DSN1: variants seen among roughly 807,000 people sequenced by gnomAD.
The protein encoded by DSN1 is DSN1 component of MIS12 kinetochore complex, also known as kinetochore-associated protein DSN1 homolog.
DSN1 carries 31 observed loss-of-function variants against 45.7 expected under a neutral mutation model. The observed-to-expected ratio is 0.68, with a 90% CI of 0.51 to 0.92. The LOEUF (loss-of-function observed/expected upper bound fraction) is 0.92, where lower values mean the gene tolerates loss of function less well. DSN1 is among the 40% of genes least tolerant of loss of function. The pLI is 0.00. For missense variants in DSN1, 394 were observed against 414.2 expected (o/e 0.95, Z 0.42); for synonymous variants, 134 against 142.3 (o/e 0.94, Z 0.41).
At position 36,752,838 on chromosome 20, in the gene DSN1, G is replaced by A; in HGVS notation, c.1021C>T (p.Leu341=). ...SPARKLLKLQ[L]QNPPAIHGSG... ...CCATGTATGGCAGGTGGGTTCTGTA[G>A]CTGAAGCTTCAACAGTTTTCGAGCT... is the stretch of plus-strand genomic sequence containing the variant. Residue 341 remains leucine (L), a synonymous_variant, in exon 11 of 11, where the codon CTA becomes TTA. Transcript: ENST00000373750. The A allele has an allele frequency of 6.2e-7, 1 of 1,614,216 alleles. No individual in the cohort carries two copies. Among genetic ancestry groups the A allele is most frequent in the Non-Finnish European group, 8.5e-7 (1 of 1,180,050 alleles).
chr20:36,758,068 T>C lies in DSN1; in HGVS notation c.725+19A>G, dbSNP rs559962651. 1 of 1,610,016 alleles carries C rather than the reference T, an allele frequency of 6.2e-7. No individual in the cohort carries two copies. Among genetic ancestry groups the C allele is most frequent in the South Asian group, 1.1e-5 (1 of 90,700 alleles). ...CTCCATAAGATTTTTAAAGAGTTTT[T>C]ACAGTTCATAGATCTAACCTGGACA... On this transcript the variant is annotated intron_variant, in intron 8 of 10. Transcript: ENST00000373750.
intron 1 of DSN1, 56 bp from the exon 2 acceptor site, chr20:36,771,529 G>A (rs1347575098): frequency 1.3e-6 from 2 of 1,539,318 alleles, no homozygotes; most frequent in African/African-American, 2.7e-5. Context: ...CAGTCTCAAT[G>A]GGGCTTTACA....
chr20:36,770,587 A>C (rs1470861683), intron 3 of DSN1, among the ~76,000 whole-genome samples: 2 of 152,228 alleles, frequency 1.3e-5, no homozygotes, highest in Non-Finnish European at 2.9e-5. Context: ...AGCCAGGTGC[A>C]GTGGCTCACG....
At chr20:36,768,161 A>G in intron 3 of DSN1, 119 bp from the exon 4 acceptor site, 1 of 857,148 alleles carries the variant, frequency 1.2e-6, no homozygotes, top group Non-Finnish European at 1.8e-6. Context: ...AGCCTTCTTT[A>G]GTTAAAGACA....
rs1312672197 is a variant in DSN1, at chr20:36,764,864, G to C, written c.502+1905C>G. Reference sequence around the variant, plus strand: ...GAACCCAGGAGGTGGAGGTTGCAGTGAGCCAAGATCGCACCACTGTACTCC... The same window carrying C: ...GAACCCAGGAGGTGGAGGTTGCAGTCAGCCAAGATCGCACCACTGTACTCC... On this transcript the variant is annotated intron_variant, in intron 5 of 10. Coordinates refer to ENST00000373750, the MANE Select transcript of DSN1 (RefSeq NM_001145315.2). Among the ~76,000 whole-genome samples, 17 of 150,746 alleles carry C rather than the reference G, an allele frequency of 1.1e-4. 1 individual carries two copies. Among genetic ancestry groups the C allele is most frequent in the Admixed American group, 7.3e-4 (11 of 15,088 alleles).
In DSN1 at chr20:36,769,952, G is replaced by A. The variant is rs1455726610; in HGVS notation, c.355+921C>T. On this transcript the variant is annotated intron_variant, in intron 3 of 10. Coordinates refer to ENST00000373750, the MANE Select transcript of DSN1 (RefSeq NM_001145315.2). ...ACACACACACACACAGAGAGAGAGA[G>A]ACAGAGAGAGAAAGAAAGTGAGGCG... 5.8e-5 allele frequency among the ~76,000 whole-genome samples: 7 copies of A among 121,212 alleles called. No homozygotes were observed. In the Admixed American group the frequency reaches 6.9e-4, roughly 12 times the overall value. 79.5% of individuals were successfully genotyped at this position (121,212 alleles called of 152,430 possible).
intron 8 of DSN1, among the ~76,000 whole-genome samples, chr20:36,757,864 A>C (rs930020916): frequency 3.3e-5 from 5 of 152,202 alleles, no homozygotes; most frequent in Admixed American, 6.5e-5. Flanking sequence ...CACAGAACAG[A>C]AACAATTGTG....
intron 9 of DSN1, among the ~76,000 whole-genome samples, chr20:36,755,232 T>A (rs1272739588): frequency 6.6e-6 from 1 of 152,168 alleles, no homozygotes. Context: ...CCCAGGTTAC[T>A]CCACTAACCC....
In DSN1 at chr20:36,758,630, T is replaced by C. The variant is rs1240026988; in HGVS notation, c.591-13A>G. 2 of 1,607,590 alleles carry C rather than the reference T, an allele frequency of 1.2e-6. No individual in the cohort carries two copies. Among genetic ancestry groups the C allele is most frequent in the Non-Finnish European group, 8.5e-7 (1 of 1,177,068 alleles). ...ATCTGATGCTTTTCTGGAAAACAGA[T>C]AGGATTATGACATAAATCTTTCAAG... is the stretch of plus-strand genomic sequence containing the variant. On this transcript the variant is annotated splice_polypyrimidine_tract_variant and intron_variant, in intron 6 of 10. Transcript: ENST00000373750.
rs895925642 is a variant in DSN1 at position 36,752,991 on chromosome 20, G to A, written c.962-94C>T. 19 of 994,026 alleles carry A rather than the reference G, an allele frequency of 1.9e-5. No individual in the cohort carries two copies. In the Admixed American group the frequency reaches 3.2e-4, roughly 17 times the overall value. The allele number at this position is 994,026 out of a possible 1,614,324, so 61.6% of individuals were successfully genotyped here. On this transcript the variant is annotated intron_variant, in intron 10 of 10. Transcript: ENST00000373750. ...TAGGGACATTGTGACACACATGGAA[G>A]GGCATTACAAAGACAAATAAGAGAG...
chr20:36,758,466 C>T, intron 7 of DSN1, 92 bp downstream of exon 7: 1 of 1,158,558 alleles, frequency 8.6e-7, no homozygotes, highest in Non-Finnish European at 1.2e-6. Context: ...GCTGACTCTC[C>T]AAATACAATG....
At chr20:36,773,568 C>G in intron 1 of DSN1, 94 bp downstream of exon 1, 1 of 985,876 alleles carries the variant, frequency 1.0e-6, no homozygotes, top group Non-Finnish European at 1.2e-6. Context: ...CCGACGGGTA[C>G]GACGCCGAAG....
At chr20:36,771,495 T>G (rs536075359) in intron 1 of DSN1, 22 bp from the exon 2 acceptor site, 5 of 1,611,190 alleles carry the variant, frequency 3.1e-6, no homozygotes, top group African/African-American at 2.7e-5. Flanking sequence ...AAAATGGAAG[T>G]GATCTGTTCT....
At chr20:36,773,208 G>T (rs1454530918) in intron 1 of DSN1, among the ~76,000 whole-genome samples, 2 of 152,210 alleles carry the variant, frequency 1.3e-5, no homozygotes, top group African/African-American at 4.8e-5. Context: ...CCTGTGCTAT[G>T]TAAGCGCTTT....
intron 4 of DSN1, among the ~76,000 whole-genome samples, chr20:36,767,304 T>G: frequency 6.6e-6 from 1 of 150,970 alleles, no homozygotes; most frequent in East Asian, 1.9e-4. Flanking sequence ...AGACTCCGTC[T>G]CAAAAAAACA....
chr20:36,762,207 T>C (rs1175865677), intron 6 of DSN1, among the ~76,000 whole-genome samples: 3 of 148,666 alleles, frequency 2.0e-5, no homozygotes, highest in Non-Finnish European at 3.0e-5. Flanking sequence ...ACCGGGTTCA[T>C]GCCATTCTCC....
chr20:36,754,544 G>A (rs1568687089), intron 10 of DSN1, among the ~76,000 whole-genome samples: 1 of 151,990 alleles, frequency 6.6e-6, no homozygotes, highest in Non-Finnish European at 1.5e-5. Context: ...ATTTCATGGG[G>A]ATTTAATTCT....
chr20:36,754,559 C>T (rs1243891665), intron 10 of DSN1, among the ~76,000 whole-genome samples: 2 of 152,148 alleles, frequency 1.3e-5, no homozygotes, highest in African/African-American at 4.8e-5. Context: ...AATTCTCAGT[C>T]TACTGTGCTT....
chr20:36,772,160 G>A (rs911011582), intron 1 of DSN1, among the ~76,000 whole-genome samples: 13 of 152,102 alleles, frequency 8.5e-5, no homozygotes, highest in African/African-American at 3.1e-4. Context: ...GATTACAGGC[G>A]TGAGCCACCA....
Sources: allele counts gnomAD v4.1 joint callset (sites outside exome capture counted in the v4.1 genomes callset), GRCh38; gene constraint gnomAD v4.1.1; transcripts MANE v1.5; gene names NCBI Gene and HGNC (gene_info 2026-07-23, HGNC 2026-07-21).